OTUD7A: variants seen among roughly 807,000 people sequenced by gnomAD.
OTUD7A encodes the protein OTU domain-containing protein 7A.
OTUD7A carries 12 observed loss-of-function variants against 65.7 expected under a neutral mutation model. The ratio of observed to expected loss-of-function variants is 0.18; its 90% CI spans 0.12 to 0.30. OTUD7A has a LOEUF of 0.30. Among genes scored for constraint, OTUD7A ranks in the 10% least tolerant of loss-of-function variants. The pLI is 1.00. For synonymous variants in OTUD7A, 641 were observed against 586.3 expected, an observed-to-expected ratio of 1.09 and a Z score of -1.35; for missense variants, 1,148 against 1,304.8, an observed-to-expected ratio of 0.88 and a Z score of 1.85.
intron 1 of OTUD7A, among the ~76,000 whole-genome samples, chr15:31,857,557 T>G (rs561971404): frequency 6.6e-6 from 1 of 151,300 alleles, no homozygotes; most frequent in African/African-American, 2.4e-5. Flanking sequence ...CCAGGAGGAG[T>G]GTACAGATAG....
intron 8 of OTUD7A, among the ~76,000 whole-genome samples, chr15:31,520,815 T>C (rs2041926766): frequency 6.6e-6 from 1 of 152,202 alleles, no homozygotes; most frequent in South Asian, 2.1e-4. Context: ...TGAATCATTC[T>C]ATCAAAAAGA....
intron 1 of OTUD7A, among the ~76,000 whole-genome samples, chr15:31,859,836 G>C (rs556316985): frequency 3.9e-5 from 6 of 152,276 alleles, no homozygotes; most frequent in African/African-American, 1.4e-4. Flanking sequence ...CCTCTGGCCC[G>C]GGCCCTTCAG....
intron 6 of OTUD7A, among the ~76,000 whole-genome samples, 156 bp downstream of exon 6, chr15:31,530,551 G>A (rs987048456): frequency 8.5e-5 from 13 of 152,382 alleles, no homozygotes; most frequent in Non-Finnish European, 1.3e-4. Flanking sequence ...GGCCAGGATT[G>A]TTGGCTCTGT....
At chr15:31,598,302 A>C (rs1311649271) in intron 3 of OTUD7A, among the ~76,000 whole-genome samples, 2 of 152,200 alleles carry the variant, frequency 1.3e-5, no homozygotes, top group Admixed American at 6.5e-5. Flanking sequence ...ACTGAGGTAC[A>C]GGTTCATCTC....
intron 1 of OTUD7A, among the ~76,000 whole-genome samples, chr15:31,823,163 C>T (rs559531421): frequency 3.7e-4 from 57 of 152,094 alleles, no homozygotes; most frequent in Non-Finnish European, 6.5e-4. Flanking sequence ...ACACCTCTTT[C>T]GCACACAAAG....
chr15:31,756,826 C>T (rs897442781), intron 1 of OTUD7A, among the ~76,000 whole-genome samples: 3 of 152,212 alleles, frequency 2.0e-5, no homozygotes, highest in Non-Finnish European at 2.9e-5. Flanking sequence ...ACACCAGCTA[C>T]TGCGGACCTA....
intron 8 of OTUD7A, among the ~76,000 whole-genome samples, chr15:31,524,134 T>G (rs528775087): frequency 1.3e-5 from 2 of 149,044 alleles, no homozygotes; most frequent in Non-Finnish European, 3.0e-5. Context: ...CTCTTCTGAG[T>G]TTTTTGTTTT....
intron 6 of OTUD7A, among the ~76,000 whole-genome samples, chr15:31,528,933 A>T (rs2042051422): frequency 6.6e-6 from 1 of 152,214 alleles, no homozygotes; most frequent in Non-Finnish European, 1.5e-5. Context: ...TTATTGTTGT[A>T]CAGGGGATTC....
At chr15:31,852,173 G>A (rs1038469515) in intron 1 of OTUD7A, among the ~76,000 whole-genome samples, 4 of 152,130 alleles carry the variant, frequency 2.6e-5, no homozygotes, top group Admixed American at 6.5e-5. Flanking sequence ...GCCTTTTAAC[G>A]CAAGGTAGAC....
At chr15:31,781,041 T>C (rs1895525779) in intron 1 of OTUD7A, among the ~76,000 whole-genome samples, 1 of 152,212 alleles carries the variant, frequency 6.6e-6, no homozygotes, top group South Asian at 2.1e-4. Context: ...AAGCTGTGTT[T>C]TCTAAAGATG....
intron 3 of OTUD7A, among the ~76,000 whole-genome samples, chr15:31,583,727 A>G (rs1005461462): frequency 7.2e-5 from 11 of 151,860 alleles, no homozygotes; most frequent in Non-Finnish European, 1.3e-4. Flanking sequence ...TTTCTTTATA[A>G]ATTACCCAGT....
Position 31,480,505 on chromosome 15 carries a change from T to C in OTUD7A, c.*2789A>G, listed in dbSNP as rs1468453624. The C allele has an allele frequency of 6.6e-6, 1 of 152,346 alleles. No homozygotes were observed. The highest frequency in any genetic ancestry group is 1.5e-5 in the Non-Finnish European group (1 of 68,160). 9.4% of individuals were successfully genotyped at this position (152,346 alleles called of 1,614,324 possible). A position where few individuals can be genotyped will look rare whatever the true frequency, so the allele number is the denominator to read the frequency against. On this transcript the variant is annotated 3_prime_UTR_variant, in exon 13 of 13. Coordinates refer to ENST00000307050, the MANE Select transcript of OTUD7A (RefSeq NM_001382637.1). ...GCCATGCACCCCGGTAGGACTCACCTTCTTCCCTTTCTCCCTGCTCCACAA... is the reference window on the plus strand; with the variant it reads ...GCCATGCACCCCGGTAGGACTCACCCTCTTCCCTTTCTCCCTGCTCCACAA...
chr15:31,548,205 TCATCTGTGGGCGCCCTGGGCCACCC>T (rs1888198641), intron 5 of OTUD7A, among the ~76,000 whole-genome samples: 1 of 66,990 alleles, frequency 1.5e-5, no homozygotes. Context: ...GCCACCCCCA[TCATCTGTGGGCGCCCTGGGCCACCC>T]CCCTTCACTT....
At chr15:31,800,532 G>A (rs569595224) in intron 1 of OTUD7A, among the ~76,000 whole-genome samples, 10 of 152,286 alleles carry the variant, frequency 6.6e-5, no homozygotes, top group South Asian at 2.1e-4. Context: ...AGGGACAGGA[G>A]AGCCAACCTA....
intron 1 of OTUD7A, among the ~76,000 whole-genome samples, chr15:31,658,433 C>T (rs997513532): frequency 3.3e-5 from 5 of 152,098 alleles, no homozygotes; most frequent in East Asian, 3.9e-4. Flanking sequence ...CCTTCAATTC[C>T]GTCTTCTTTC....
At chr15:31,764,218 G>A (rs1446609453) in intron 1 of OTUD7A, among the ~76,000 whole-genome samples, 3 of 152,068 alleles carry the variant, frequency 2.0e-5, no homozygotes, top group Non-Finnish European at 2.9e-5. Context: ...AGCAATAGAA[G>A]TTTTAGTATA....
intron 6 of OTUD7A, among the ~76,000 whole-genome samples, chr15:31,528,251 T>A (rs1435324999): frequency 7.2e-4 from 110 of 152,000 alleles, no homozygotes; most frequent in Non-Finnish European, 1.8e-4. Context: ...GTGGCGTGAA[T>A]GGAGACATAG....
At chr15:31,585,784 A>G (rs538017888) in intron 3 of OTUD7A, among the ~76,000 whole-genome samples, 1 of 152,338 alleles carries the variant, frequency 6.6e-6, no homozygotes, top group African/African-American at 2.4e-5. Flanking sequence ...AGGTGTCTAC[A>G]GACCACTATT....
At chr15:31,859,498 GGTTCTACCA>G (rs1205454906) in intron 1 of OTUD7A, among the ~76,000 whole-genome samples, 4 of 152,190 alleles carry the variant, frequency 2.6e-5, no homozygotes, top group African/African-American at 9.6e-5. Flanking sequence ...AAATAGTAAA[GGTTCTACCA>G]GTTCACCTTG....
Sources: gnomAD v4.1 joint callset for allele counts (sites outside exome capture counted in the v4.1 genomes callset) on GRCh38, gnomAD v4.1.1 for gene constraint, MANE v1.5 for transcripts, NCBI Gene and HGNC (gene_info 2026-07-23, HGNC 2026-07-21) for gene names.